STPG1: variants seen among roughly 807,000 people sequenced by gnomAD.
The protein encoded by STPG1 is O(6)-methylguanine-induced apoptosis 2.
Under a neutral mutation model 40.1 loss-of-function variants are expected in STPG1, and 33 were observed. That is an observed-to-expected ratio of 0.82 (90% CI 0.62 to 1.10). STPG1 has a LOEUF of 1.10. Among genes scored for constraint, STPG1 ranks in the 50% least tolerant of loss-of-function variants. The pLI is 0.00. For missense variants in STPG1, 396 were observed against 415.1 expected, an observed-to-expected ratio of 0.95 and a Z score of 0.40; for synonymous variants, 150 against 155.0, an observed-to-expected ratio of 0.97 and a Z score of 0.24.
intron 1 of STPG1, among the ~76,000 whole-genome samples, chr1:24,401,942 C>T (rs989912897): frequency 1.3e-5 from 2 of 152,134 alleles, no homozygotes; most frequent in African/African-American, 4.8e-5. Context: ...CTGCCTCTGC[C>T]ATCCAAAGTG....
intron 2 of STPG1, 151 bp downstream of exon 2, chr1:24,401,168 A>C: frequency 1.9e-6 from 1 of 530,288 alleles, no homozygotes; most frequent in African/African-American, 1.9e-5. Context: ...TCACACTTGA[A>C]ACAGTAGGGC....
intron 8 of STPG1, 75 bp downstream of exon 8, chr1:24,360,776 G>A: frequency 5.3e-6 from 7 of 1,328,064 alleles, no homozygotes; most frequent in Non-Finnish European, 7.2e-6. Flanking sequence ...TAAATCAATG[G>A]CATTTGATGA....
Position 24,399,235 on chromosome 1 carries a change from G to A in STPG1, c.70+2084C>T, listed in dbSNP as rs1302490853. ...CAGTAATTAGGACAGTATGATATTT[G>A]AACAGAATAAATAATCAAGAAGCAG... On this transcript the variant is annotated intron_variant, in intron 2 of 8. Coordinates refer to ENST00000337248, the MANE Select transcript of STPG1 (RefSeq NM_001199013.2). This position sits in a 1 kb window ranked among gnomAD's most constrained non-coding sequence, Gnocchi z 4.0. Among the ~76,000 whole-genome samples, 1 of 152,150 alleles carries A rather than the reference G, an allele frequency of 6.6e-6. No individual in the cohort carries two copies. The highest frequency in any genetic ancestry group is 1.5e-5 in the Non-Finnish European group (1 of 67,998).
chr1:24,409,475 G>A (rs1041043867), intron 1 of STPG1, among the ~76,000 whole-genome samples: 2 of 152,178 alleles, frequency 1.3e-5, no homozygotes, highest in Admixed American at 6.5e-5. Flanking sequence ...ATGTATTAGT[G>A]TTCTGGAATT....
At chr1:24,392,008 T>C (rs1223803871) in intron 2 of STPG1, 2 of 1,053,574 alleles carry the variant, frequency 1.9e-6, no homozygotes, top group Non-Finnish European at 2.3e-6. Flanking sequence ...AAAACTATTC[T>C]GGGAGCAGCC....
chr1:24,391,395 A>G (rs1297507208), intron 3 of STPG1, 166 bp downstream of exon 3: 1 of 438,288 alleles, frequency 2.3e-6, no homozygotes, highest in Middle Eastern at 3.2e-4. Context: ...GCTCGTTCTT[A>G]CAGTTAGTCC....
chr1:24,392,858 G>GAAA (rs35727978), intron 2 of STPG1, among the ~76,000 whole-genome samples: 52 of 151,228 alleles, frequency 3.4e-4, no homozygotes, highest in South Asian at 1.0e-3. Flanking sequence ...AGAAATGGGG[G>GAAA]AAAAAAAACA....
At chr1:24,405,278 T>C (rs1643371890) in intron 1 of STPG1, among the ~76,000 whole-genome samples, 1 of 152,216 alleles carries the variant, frequency 6.6e-6, no homozygotes, top group Non-Finnish European at 1.5e-5. Context: ...TCTTAATACA[T>C]GTATTTAATA....
intron 5 of STPG1, among the ~76,000 whole-genome samples, chr1:24,376,397 T>TTC (rs762060260): frequency 1.6e-4 from 24 of 152,190 alleles, no homozygotes; most frequent in Admixed American, 4.6e-4. Context: ...ATTAATGGGT[T>TTC]TCTACAGGGC....
chr1:24,385,161 C>T (rs1280638056), intron 3 of STPG1, among the ~76,000 whole-genome samples: 1 of 152,202 alleles, frequency 6.6e-6, no homozygotes, highest in Non-Finnish European at 1.5e-5. Flanking sequence ...ACCATCAGTG[C>T]CTTCCAGGAC....
chr1:24,404,634 C>T (rs559322648), intron 1 of STPG1, among the ~76,000 whole-genome samples: 133 of 152,178 alleles, frequency 8.7e-4, no homozygotes, highest in African/African-American at 2.9e-3. Context: ...TCTTCTTAAC[C>T]GAGCTTTGGT....
chr1:24,383,807 G>A, intron 4 of STPG1, 95 bp downstream of exon 4: 1 of 828,964 alleles, frequency 1.2e-6, no homozygotes, highest in Non-Finnish European at 2.1e-6. Context: ...ATAGGCCTTT[G>A]GAGAGAAAGG....
chr1:24,412,791 C>A (rs1312784752), intron 1 of STPG1, among the ~76,000 whole-genome samples: 1 of 152,142 alleles, frequency 6.6e-6, no homozygotes, highest in Non-Finnish European at 1.5e-5. Context: ...GAGGTAGACA[C>A]CTTTTAGCAA....
At chr1:24,364,434 A>C in intron 7 of STPG1, 1 of 1,464,552 alleles carries the variant, frequency 6.8e-7, no homozygotes, top group East Asian at 2.6e-5. Context: ...CTCTCAGCTC[A>C]GAGTATGTGG....
At chr1:24,401,483 A>G (rs1643226661) in intron 1 of STPG1, 27 bp from the exon 2 acceptor site, 1 of 1,020,046 alleles carries the variant, frequency 9.8e-7, no homozygotes. Context: ...CAGCATTTGT[A>G]GAGATCATTT....
At position 24,358,540 on chromosome 1, in the gene STPG1, T is replaced by C. The variant is rs1640873957; in HGVS notation, c.*3A>G. 1 of 1,612,562 alleles carries C rather than the reference T, an allele frequency of 6.2e-7. No homozygotes were observed. Among genetic ancestry groups the C allele is most frequent in the Admixed American group, 1.7e-5 (1 of 60,004 alleles). ...GAGTTCTCCTTGACCTTGTGTGACATCCCTACAGAACCGGGATCCATTTCT... is the reference window on the plus strand; with the variant it reads ...GAGTTCTCCTTGACCTTGTGTGACACCCCTACAGAACCGGGATCCATTTCT... On this transcript the variant is annotated 3_prime_UTR_variant, in exon 9 of 9. Transcript: ENST00000337248.
chr1:24,400,419 T>C (rs1643177431), intron 2 of STPG1, among the ~76,000 whole-genome samples: 1 of 152,248 alleles, frequency 6.6e-6, no homozygotes, highest in African/African-American at 2.4e-5. Context: ...CATTCTGTCT[T>C]GGTCTGAGAA....
In STPG1 at chr1:24,361,129, A is replaced by G. The variant is rs548395528; in HGVS notation, c.738-88T>C. The G allele has an allele frequency of 3.3e-6, 4 of 1,230,394 alleles. No homozygotes were observed. In the South Asian group the frequency reaches 6.6e-5, roughly 20 times the overall value. The allele number at this position is 1,230,394 out of a possible 1,614,324, so 76.2% of individuals were successfully genotyped here. On this transcript the variant is annotated intron_variant, in intron 7 of 8. Transcript: ENST00000337248. ...TAGACACAGCCAAGACCTGCACAGC[A>G]GCAAGCTGTCTGGAAGAGGACTGGT...
chr1:24,405,940 C>A (rs756589798), intron 1 of STPG1, among the ~76,000 whole-genome samples: 1 of 152,068 alleles, frequency 6.6e-6, no homozygotes, highest in Non-Finnish European at 1.5e-5. Context: ...TTTCTTCACA[C>A]TTCTGCTTGC....
Sources: gnomAD v4.1 joint callset for allele counts (sites outside exome capture counted in the v4.1 genomes callset) on GRCh38, gnomAD v4.1.1 for gene constraint, Gnocchi (gnomAD v3.1) non-coding constraint, MANE v1.5 for transcripts, NCBI Gene and HGNC (gene_info 2026-07-23, HGNC 2026-07-21) for gene names.